The following SORBS2 variants were observed in gnomAD, a reference collection of about 807,000 sequenced individuals.
SORBS2 encodes the protein sorbin and SH3 domain containing 2.
Under a neutral mutation model 97.7 loss-of-function variants are expected in SORBS2, and 46 were observed. That is an observed-to-expected ratio of 0.47 (90% CI 0.37 to 0.60). The LOEUF (loss-of-function observed/expected upper bound fraction) is 0.60. SORBS2 is among the 20% of genes least tolerant of loss of function. The pLI, the probability that SORBS2 is intolerant of heterozygous loss-of-function variation, is 0.00. For missense variants in SORBS2, 1,316 were observed against 1,282.3 expected, an observed-to-expected ratio of 1.03 and a Z score of -0.40; for synonymous variants, 476 against 473.4, an observed-to-expected ratio of 1.01 and a Z score of -0.07.
chr4:185,822,639 C>A (rs1008952989), intron 1 of SORBS2, among the ~76,000 whole-genome samples: 4 of 152,206 alleles, frequency 2.6e-5, no homozygotes, highest in African/African-American at 9.6e-5. Flanking sequence ...TAGATTGTGG[C>A]ACAGCCACGC....
At chr4:185,750,502 C>T (rs1211070942) in intron 2 of SORBS2, among the ~76,000 whole-genome samples, 1 of 152,176 alleles carries the variant, frequency 6.6e-6, no homozygotes, top group African/African-American at 2.4e-5. Flanking sequence ...CATGCTGTTC[C>T]AGTGTCCCAC....
Position 185,655,703 on chromosome 4 carries a change from T to A in SORBS2, c.24+912A>T, listed in dbSNP as rs115683973. Among the ~76,000 whole-genome samples, 339 of 152,350 alleles carry A rather than the reference T, an allele frequency of 2.2e-3. 1 individual carries two copies. Among genetic ancestry groups the A allele is most frequent in the African/African-American group, 7.9e-3 (330 of 41,574 alleles). ...TTGATTTGGCAGTTGATAAACATTTTAAAAATTTTAAGATGATTTAATTTT... is the reference window on the plus strand; with the variant it reads ...TTGATTTGGCAGTTGATAAACATTTAAAAAATTTTAAGATGATTTAATTTT... On this transcript the variant is annotated intron_variant, in intron 1 of 14. Coordinates refer to ENST00000418609, the Ensembl canonical transcript of SORBS2.
chr4:185,801,923 T>G (rs545314204), intron 1 of SORBS2, among the ~76,000 whole-genome samples: 72 of 152,180 alleles, frequency 4.7e-4, no homozygotes, highest in Non-Finnish European at 7.6e-4. Context: ...TGAGCCAGAC[T>G]CAACAATTTA....
intron 1 of SORBS2, among the ~76,000 whole-genome samples, chr4:185,925,538 C>T (rs2099263180): frequency 6.6e-6 from 1 of 152,022 alleles, no homozygotes; most frequent in African/African-American, 2.4e-5. Context: ...GTGTCATAGT[C>T]GCATATTCAA....
Position 185,786,944 on chromosome 4 carries a change from T to A in SORBS2, c.-337-11578A>T, listed in dbSNP as rs991724076. On this transcript the variant is annotated intron_variant, in intron 1 of 20. Coordinates refer to the SORBS2 transcript ENST00000284776. ...TGCCACTGCACTCCAATCTGGATGT[T>A]CATCCATTTTTTTTTTTTTTTTTGA... 4.5e-4 allele frequency among the ~76,000 whole-genome samples: 60 copies of A among 133,472 alleles called. 1 individual carries two copies. The highest frequency in any genetic ancestry group is 7.8e-4 in the Non-Finnish European group (49 of 62,774). The allele number at this position is 133,472 out of a possible 152,430, so 87.6% of individuals were successfully genotyped here.
At chr4:185,704,083 C>A (rs2153536315) in intron 2 of SORBS2, among the ~76,000 whole-genome samples, 1 of 152,258 alleles carries the variant, frequency 6.6e-6, no homozygotes, top group Middle Eastern at 3.4e-3. Flanking sequence ...AGTATGCTAG[C>A]ACTTTGCTTA....
chr4:185,592,901 C>T (rs2095987471), intron 13 of SORBS2: 2 of 152,198 alleles, frequency 1.3e-5, no homozygotes, highest in South Asian at 4.1e-4. Context: ...TACAGACTTT[C>T]CCGCAACAAG....
chr4:185,717,449 G>T (rs556673056), intron 2 of SORBS2, among the ~76,000 whole-genome samples: 1 of 152,308 alleles, frequency 6.6e-6, no homozygotes, highest in African/African-American at 2.4e-5. Context: ...CTCCAATAGC[G>T]ATCCTGTGTG....
At chr4:185,710,453 G>A (rs536828331) in intron 2 of SORBS2, among the ~76,000 whole-genome samples, 168 of 152,312 alleles carry the variant, frequency 1.1e-3, no homozygotes, top group African/African-American at 3.9e-3. Flanking sequence ...AAAGGGAATT[G>A]CTCTGTTCTC....
At chr4:185,690,274 A>G (rs1240847487) in intron 2 of SORBS2, among the ~76,000 whole-genome samples, 1 of 152,240 alleles carries the variant, frequency 6.6e-6, no homozygotes, top group Non-Finnish European at 1.5e-5. Context: ...TCAAAAGTAC[A>G]CAAACAAACG....
intron 2 of SORBS2, among the ~76,000 whole-genome samples, chr4:185,745,446 C>T (rs1303902073): frequency 6.6e-6 from 1 of 152,148 alleles, no homozygotes; most frequent in Non-Finnish European, 1.5e-5. Flanking sequence ...TAATCATGGT[C>T]CAGACTTATG....
chr4:185,588,592 TCCC>T (rs1387184594), intron 14 of SORBS2, among the ~76,000 whole-genome samples: 2 of 99,018 alleles, frequency 2.0e-5, no homozygotes, highest in East Asian at 4.2e-4. Context: ...ACGTTTCTCC[TCCC>T]TCCTCCTCCT....
chr4:185,605,641 C>A (rs1021818135), intron 12 of SORBS2, among the ~76,000 whole-genome samples: 12 of 149,242 alleles, frequency 8.0e-5, no homozygotes, highest in African/African-American at 3.0e-4. Flanking sequence ...CTGGAGTGCA[C>A]TGGCACGATC....
intron 2 of SORBS2, among the ~76,000 whole-genome samples, chr4:185,744,866 A>G (rs1169005715): frequency 6.6e-6 from 1 of 152,222 alleles, no homozygotes. Context: ...CCTTCACCCT[A>G]GGGAAGACCC....
intron 2 of SORBS2, among the ~76,000 whole-genome samples, chr4:185,722,983 C>T (rs1279061267): frequency 1.3e-5 from 2 of 152,070 alleles, no homozygotes; most frequent in Non-Finnish European, 2.9e-5. Flanking sequence ...GTCACCCAAC[C>T]CCAAAGGGCC....
At chr4:185,889,423 G>A (rs1485615608) in intron 1 of SORBS2, among the ~76,000 whole-genome samples, 1 of 151,182 alleles carries the variant, frequency 6.6e-6, no homozygotes, top group Non-Finnish European at 1.5e-5. Flanking sequence ...TTCTAACCTG[G>A]TCTCCGTGTT....
chr4:185,588,025 G>A (rs955799891), intron 14 of SORBS2: 2 of 229,206 alleles, frequency 8.7e-6, no homozygotes, highest in African/African-American at 4.6e-5. Flanking sequence ...CAGAGTCGGG[G>A]GTGAGGGATC....
At chr4:185,711,888 C>CA (rs1200519254) in intron 2 of SORBS2, among the ~76,000 whole-genome samples, 3 of 152,154 alleles carry the variant, frequency 2.0e-5, no homozygotes, top group Non-Finnish European at 4.4e-5. Context: ...TGCTCCCCGC[C>CA]ACCTATCCTC....
chr4:185,591,143 C>A (rs189742881), intron 13 of SORBS2, among the ~76,000 whole-genome samples: 59 of 152,112 alleles, frequency 3.9e-4, no homozygotes, highest in African/African-American at 1.4e-3. Context: ...ACTGGCTTCC[C>A]CCCGTTCATC....
Sources: allele counts gnomAD v4.1 joint callset (sites outside exome capture counted in the v4.1 genomes callset), GRCh38; gene constraint gnomAD v4.1.1; transcripts MANE v1.5; gene names NCBI Gene and HGNC (gene_info 2026-07-23, HGNC 2026-07-21).